KAT6A: variants seen among roughly 807,000 people sequenced by gnomAD.
The protein encoded by KAT6A is histone acetyltransferase KAT6A.
Under a neutral mutation model 198.4 loss-of-function variants are expected in KAT6A, and 9 were observed. The ratio of observed to expected loss-of-function variants is 0.05; its 90% CI spans 0.03 to 0.08. KAT6A has a LOEUF of 0.08. Among genes scored for constraint, KAT6A ranks in the 10% least tolerant of loss-of-function variants. KAT6A has a pLI of 1.00. For synonymous variants in KAT6A, 890 were observed against 883.0 expected, an observed-to-expected ratio of 1.01 and a Z score of -0.14; for missense variants, 2,077 against 2,509.9, an observed-to-expected ratio of 0.83 and a Z score of 3.69.
chr8:42,036,950 T>G (rs1026379330), intron 2 of KAT6A, among the ~76,000 whole-genome samples: 5 of 152,168 alleles, frequency 3.3e-5, no homozygotes, highest in African/African-American at 9.7e-5. Context: ...TTTCATCATT[T>G]GTTTGAATGT....
chr8:42,040,735 C>CAAAA (rs59959496), intron 2 of KAT6A, among the ~76,000 whole-genome samples: 1,681 of 53,984 alleles, frequency 0.031, 205 homozygotes, highest in African/African-American at 0.091. Flanking sequence ...GACTCTGTCT[C>CAAAA]AAAAAAAAAA....
chr8:41,976,552 A>C (rs1824064906), intron 7 of KAT6A, among the ~76,000 whole-genome samples: 1 of 152,224 alleles, frequency 6.6e-6, no homozygotes. Flanking sequence ...GAAGTAGAAA[A>C]GTCAATGACC....
chr8:42,029,355 A>G (rs1230641215), intron 2 of KAT6A, among the ~76,000 whole-genome samples: 1 of 152,158 alleles, frequency 6.6e-6, no homozygotes, highest in Non-Finnish European at 1.5e-5. Flanking sequence ...TTATTATTTC[A>G]GTAATAATTC....
chr8:41,959,709 A>G (rs1823097881), intron 8 of KAT6A, among the ~76,000 whole-genome samples: 1 of 152,256 alleles, frequency 6.6e-6, no homozygotes, highest in African/African-American at 2.4e-5. Context: ...CTGTAATCCC[A>G]GCACTCTGGG....
chr8:42,024,469 CTA>C (rs1326646000), intron 2 of KAT6A, among the ~76,000 whole-genome samples: 1 of 152,134 alleles, frequency 6.6e-6, no homozygotes, highest in African/African-American at 2.4e-5. Context: ...AATCTTCTAA[CTA>C]TTTTGAAATA....
chr8:42,012,049 A>T (rs1826046659), intron 2 of KAT6A, among the ~76,000 whole-genome samples: 1 of 152,246 alleles, frequency 6.6e-6, no homozygotes, highest in Non-Finnish European at 1.5e-5. Context: ...GCAAATTAAA[A>T]TCACAATGAA....
In KAT6A at chr8:41,977,263, G is replaced by C. The variant is rs760965283; in HGVS notation, c.1108C>G (p.Leu370Val). ...PGRGRKRKIT[L>V]SSQSASSSSE... ...GATGATGATGCTGATTGGCTGGAAA[G>C]AGTGATTTTTCGTTTCCTACCCCTT... is the stretch of plus-strand genomic sequence containing the variant. Residue 370 changes from leucine (L) to valine (V), a missense_variant, in exon 7 of 17, where the codon CTT (leucine) becomes GTT (valine). By Grantham distance (32) the Leu-to-Val change is conservative (BLOSUM62 1). Transcript: ENST00000265713. 2.2e-5 allele frequency: 35 copies of C among 1,614,076 alleles called. No individual in the cohort carries two copies. The highest frequency in any genetic ancestry group is 3.0e-5 in the Non-Finnish European group (35 of 1,180,016).
intron 2 of KAT6A, among the ~76,000 whole-genome samples, chr8:42,002,372 C>A (rs1337508137): frequency 6.6e-6 from 1 of 152,130 alleles, no homozygotes; most frequent in African/African-American, 2.4e-5. Context: ...ATCAGCCTGG[C>A]AAACACGGCA....
Position 41,977,215 on chromosome 8 carries a change from G to T in KAT6A, c.1156C>A (p.Arg386=). 1 of 1,614,100 alleles carries T rather than the reference G, an allele frequency of 6.2e-7. No homozygotes were observed. The highest frequency in any genetic ancestry group is 8.5e-7 in the Non-Finnish European group (1 of 1,179,956). The change falls in exon 7 of 17, where the codon CGG becomes AGG. Residue 386 remains arginine, a synonymous_variant. Transcript: ENST00000265713. ...CTGCAGAAGTCCAAGCCATCTATCC[G>T]CTCTAAATATCCTTCTTCTGATGAT... is the stretch of plus-strand genomic sequence containing the variant. ...SSSSEEGYLE[R]IDGLDFCRDS... is the part of the protein sequence containing the mutation.
intron 2 of KAT6A, among the ~76,000 whole-genome samples, chr8:42,022,218 A>C (rs1260131367): frequency 1.3e-5 from 2 of 152,164 alleles, no homozygotes; most frequent in Non-Finnish European, 2.9e-5. Context: ...AAAAAGACTG[A>C]CAAACCTATC....
intron 9 of KAT6A, among the ~76,000 whole-genome samples, chr8:41,952,974 G>A (rs1822739362): frequency 1.3e-5 from 2 of 152,050 alleles, no homozygotes; most frequent in Non-Finnish European, 2.9e-5. Context: ...TACAGAAAAT[G>A]TCTAAAACTG....
chr8:41,950,469 A>C (rs992341143), intron 9 of KAT6A, among the ~76,000 whole-genome samples: 2 of 152,206 alleles, frequency 1.3e-5, no homozygotes, highest in African/African-American at 4.8e-5. Context: ...CTCCCTCCCT[A>C]ACTGTTTTAC....
At chr8:41,960,311 G>A (rs1186648989) in intron 8 of KAT6A, among the ~76,000 whole-genome samples, 1 of 152,078 alleles carries the variant, frequency 6.6e-6, no homozygotes, top group African/African-American at 2.4e-5. Context: ...CGGGCGCAGT[G>A]GCTCATGCCT....
intron 8 of KAT6A, chr8:41,974,304 C>T (rs1468839513): frequency 6.5e-6 from 1 of 152,688 alleles, no homozygotes; most frequent in South Asian, 2.1e-4. Flanking sequence ...GTCTCAAACT[C>T]CCAGACTCAA....
In KAT6A at chr8:42,032,802, A is replaced by G. The variant is rs190513489; in HGVS notation, c.600+15576T>C. On this transcript the variant is annotated intron_variant, in intron 2 of 16. Transcript: ENST00000265713. ...AAAAGTGACAACAGTTGTGGCTGGC[A>G]CACTGGCTGCCTTCAGCCTTCCTAA... Among the ~76,000 whole-genome samples, 194 of 151,766 alleles carry G rather than the reference A, an allele frequency of 1.3e-3. 2 individuals carry two copies. Among genetic ancestry groups the G allele is most frequent in the African/African-American group, 4.4e-3 (183 of 41,440 alleles).
intron 8 of KAT6A, among the ~76,000 whole-genome samples, chr8:41,962,439 T>C (rs866918173): frequency 6.6e-6 from 1 of 152,172 alleles, no homozygotes; most frequent in Non-Finnish European, 1.5e-5. Flanking sequence ...TCTGGCATCG[T>C]CTCGGACTCC....
chr8:42,022,558 C>T (rs1826599400), intron 2 of KAT6A, among the ~76,000 whole-genome samples: 1 of 152,106 alleles, frequency 6.6e-6, no homozygotes, highest in Admixed American at 6.6e-5. Flanking sequence ...TTTCACTTGT[C>T]AGACTGCCAA....
At chr8:41,935,286 C>CT (rs777710775) in intron 16 of KAT6A, among the ~76,000 whole-genome samples, 4 of 151,614 alleles carry the variant, frequency 2.6e-5, no homozygotes, top group South Asian at 2.1e-4. Flanking sequence ...CTTATTTCCT[C>CT]TTTTTTTTTC....
intron 8 of KAT6A, among the ~76,000 whole-genome samples, chr8:41,956,605 T>C (rs1587739257): frequency 6.6e-6 from 1 of 152,332 alleles, no homozygotes; most frequent in South Asian, 2.1e-4. Context: ...CCATTCTCTT[T>C]TATAAAAGGC....
Sources: allele counts gnomAD v4.1 joint callset (sites outside exome capture counted in the v4.1 genomes callset), GRCh38; gene constraint gnomAD v4.1.1; transcripts MANE v1.5; gene names NCBI Gene and HGNC (gene_info 2026-07-23, HGNC 2026-07-21).